The following COL24A1 variants were observed in gnomAD, a reference collection of about 807,000 sequenced individuals.
COL24A1 encodes collagen alpha-1(XXIV) chain.
Under a neutral mutation model 253.9 loss-of-function variants are expected in COL24A1, and 224 were observed. That is an observed-to-expected ratio of 0.88 (90% confidence interval 0.79 to 0.99). COL24A1 has a LOEUF of 0.99. Among genes scored for constraint, COL24A1 ranks in the 50% least tolerant of loss-of-function variants. COL24A1 has a pLI of 0.00. For missense variants in COL24A1, 2,131 were observed against 2,068.5 expected (o/e 1.03, Z -0.59); for synonymous variants, 685 against 673.7 (o/e 1.02, Z -0.26).
chr1:86,083,371 T>C (rs1435815231), intron 7 of COL24A1, among the ~76,000 whole-genome samples: 2 of 151,508 alleles, frequency 1.3e-5, no homozygotes, highest in African/African-American at 2.4e-5. Context: ...ATAGTTGATA[T>C]ATATATATAT....
chr1:85,895,981 T>G, intron 30 of COL24A1, 40 bp downstream of exon 30: 1 of 1,599,588 alleles, frequency 6.3e-7, no homozygotes. Flanking sequence ...AAAAAAGACT[T>G]AAAATGTTCA....
chr1:85,806,030 C>G (rs546984096), intron 47 of COL24A1, among the ~76,000 whole-genome samples: 1 of 146,672 alleles, frequency 6.8e-6, no homozygotes, highest in Admixed American at 6.9e-5. Context: ...GAGCGGAGAT[C>G]GCGCCACTGC....
intron 19 of COL24A1, among the ~76,000 whole-genome samples, chr1:86,000,740 T>G (rs1695316864): frequency 6.6e-6 from 1 of 152,244 alleles, no homozygotes; most frequent in Non-Finnish European, 1.5e-5. Flanking sequence ...TTTGGCCACT[T>G]CTGGCACTGC....
In COL24A1 at chr1:85,744,682, T is replaced by G. The variant is rs761797687; in HGVS notation, c.4656A>C (p.Glu1552Asp). ...ARICKDLLNC[E>D]QKVSDGKYWI... is the part of the protein sequence containing the mutation. ...AGAACTTACCATCTGATACTTTTTG[T>G]TCACAGTTAAGTAAATCTTTGCAGA... Residue 1552 changes from glutamate (E) to aspartate (D), a missense_variant, in exon 57 of 60, where the codon GAA (glutamate) becomes GAC (aspartate). Coordinates refer to ENST00000370571, the MANE Select transcript of COL24A1 (RefSeq NM_152890.7). 1.2e-6 allele frequency: 2 copies of G among 1,606,706 alleles called. No homozygotes were observed. Among genetic ancestry groups the G allele is most frequent in the African/African-American group, 2.7e-5 (2 of 73,980 alleles).
At chr1:85,755,335 G>T (rs1302133293) in intron 55 of COL24A1, among the ~76,000 whole-genome samples, 2 of 152,164 alleles carry the variant, frequency 1.3e-5, no homozygotes, top group Non-Finnish European at 2.9e-5. Context: ...ATACTAGGCA[G>T]AAACTTGAAT....
At chr1:86,135,813 TG>T (rs1035524198) in intron 2 of COL24A1, among the ~76,000 whole-genome samples, 69 of 152,030 alleles carry the variant, frequency 4.5e-4, no homozygotes, top group African/African-American at 1.5e-3. Context: ...AACATTTTTT[TG>T]TGTGTACATT....
At chr1:85,744,556 G>GA in intron 57 of COL24A1, 110 bp downstream of exon 57, 2 of 810,218 alleles carry the variant, frequency 2.5e-6, no homozygotes, top group East Asian at 2.8e-5. Context: ...GCTTCTGCCA[G>GA]GGTTTTATCA....
chr1:85,960,208 T>C (rs1378367811), intron 24 of COL24A1, among the ~76,000 whole-genome samples: 1 of 152,200 alleles, frequency 6.6e-6, no homozygotes, highest in Admixed American at 6.5e-5. Context: ...AACAACCATA[T>C]AGAAGAAAAT....
chr1:85,785,727 G>A (rs1336015928), intron 48 of COL24A1, among the ~76,000 whole-genome samples: 1 of 152,204 alleles, frequency 6.6e-6, no homozygotes, highest in Admixed American at 6.5e-5. Context: ...GGAAAATCAG[G>A]TTAAGAGGTA....
At position 86,022,237 on chromosome 1, in the gene COL24A1, T is replaced by G. The variant is rs1431246677; in HGVS notation, c.2256+3A>C. 6.2e-7 allele frequency: 1 copy of G among 1,612,716 alleles called. No individual in the cohort carries two copies. Among genetic ancestry groups the G allele is most frequent in the Admixed American group, 1.7e-5 (1 of 59,986 alleles). ...AAAGAGCAAAGCAAAAGTTCAAACC[T>G]ACTGAAGGCCCTGACTTTCCTCTCA... On this transcript the variant is annotated splice_donor_region_variant and intron_variant, in intron 18 of 59. Transcript: ENST00000370571.
intron 8 of COL24A1, among the ~76,000 whole-genome samples, chr1:86,062,861 A>G (rs1701191618): frequency 6.6e-6 from 1 of 152,110 alleles, no homozygotes; most frequent in South Asian, 2.1e-4. Flanking sequence ...TGTCTAACTT[A>G]ACATGAATGA....
intron 5 of COL24A1, among the ~76,000 whole-genome samples, chr1:86,111,875 T>C (rs1243737754): frequency 6.6e-6 from 1 of 152,022 alleles, no homozygotes; most frequent in East Asian, 1.9e-4. Context: ...GTCTGCAGCT[T>C]CACTCCTTAA....
At chr1:86,142,356 T>C (rs1651234672) in intron 2 of COL24A1, among the ~76,000 whole-genome samples, 4 of 151,614 alleles carry the variant, frequency 2.6e-5, no homozygotes, top group Admixed American at 2.6e-4. Context: ...ACCCTGTCTC[T>C]ACTAAAAATA....
intron 23 of COL24A1, among the ~76,000 whole-genome samples, chr1:85,964,176 A>C (rs1483117952): frequency 2.6e-5 from 4 of 152,160 alleles, no homozygotes; most frequent in Non-Finnish European, 5.9e-5. Context: ...ATGTCAATTC[A>C]TAGTTAAATT....
At chr1:86,022,052 T>C (rs1697583816) in intron 18 of COL24A1, among the ~76,000 whole-genome samples, 188 bp downstream of exon 18, 1 of 152,158 alleles carries the variant, frequency 6.6e-6, no homozygotes, top group Non-Finnish European at 1.5e-5. Context: ...TGGCCTAGGG[T>C]TGGGAGTAGA....
intron 53 of COL24A1, among the ~76,000 whole-genome samples, chr1:85,772,043 T>C (rs1226916124): frequency 8.3e-5 from 12 of 145,388 alleles, no homozygotes; most frequent in Non-Finnish European, 1.2e-4. Flanking sequence ...AGTGAGAATA[T>C]GTGGTGTTTG....
intron 7 of COL24A1, among the ~76,000 whole-genome samples, chr1:86,072,000 G>T (rs1025823073): frequency 6.6e-6 from 1 of 152,160 alleles, no homozygotes; most frequent in African/African-American, 2.4e-5. Context: ...CTTTTCCCAC[G>T]GTCTGTGAAA....
At position 86,126,194 on chromosome 1, in the gene COL24A1, GT is replaced by G; in HGVS notation, c.141del (p.Gln47HisfsTer2). On this transcript the variant is annotated frameshift_variant, in exon 3 of 60. Transcript: ENST00000370571. LOFTEE classifies it high-confidence loss of function. ...CTTACGTCTTTGCCTCCAAGGCCTA[GT>G]TGATGAAGAATATCTATGCCTGGAA... is the stretch of plus-strand genomic sequence containing the variant. Reference protein sequence around the residue: ...AQEQGIDILHQLGLGGKDVRH... With the variant: ...AQEQGIDILHXLGLGGKDVRH... 1 of 1,597,078 alleles carries G rather than the reference GT, an allele frequency of 6.3e-7. No individual in the cohort carries two copies.
At chr1:85,881,729 A>G (rs989361559) in intron 32 of COL24A1, among the ~76,000 whole-genome samples, 1 of 152,134 alleles carries the variant, frequency 6.6e-6, no homozygotes, top group African/African-American at 2.4e-5. Flanking sequence ...TTCACTTCTG[A>G]TATTAGTAAT....
Sources: allele counts gnomAD v4.1 joint callset (sites outside exome capture counted in the v4.1 genomes callset), GRCh38; gene constraint gnomAD v4.1.1; transcripts MANE v1.5; gene names NCBI Gene and HGNC (gene_info 2026-07-23, HGNC 2026-07-21).